SMARCAL1: variants seen among roughly 807,000 people sequenced by gnomAD.
SMARCAL1 encodes ATP-driven annealing helicase.
A neutral mutation model predicts 94.5 loss-of-function variants in SMARCAL1; 58 were observed. The ratio of observed to expected loss-of-function variants is 0.61; its 90% CI spans 0.50 to 0.76. The LOEUF (loss-of-function observed/expected upper bound fraction) is 0.76. Ranked by LOEUF, SMARCAL1 falls within the 30% of genes least tolerant of loss-of-function variation. SMARCAL1 has a pLI of 0.00. For missense variants in SMARCAL1, 1,051 were observed against 1,177.9 expected, an observed-to-expected ratio of 0.89 and a Z score of 1.58; for synonymous variants, 422 against 455.1, an observed-to-expected ratio of 0.93 and a Z score of 0.93.
intron 3 of SMARCAL1, 145 bp downstream of exon 3, chr2:216,415,660 G>A: frequency 1.3e-6 from 1 of 772,570 alleles, no homozygotes. Flanking sequence ...ATTTTAGCTT[G>A]TTTCCCTTCA....
In SMARCAL1 at chr2:216,415,062, A is replaced by G; in HGVS notation, c.358A>G (p.Thr120Ala). 1.2e-6 allele frequency: 2 copies of G among 1,614,092 alleles called. No homozygotes were observed. The highest frequency in any genetic ancestry group is 8.5e-7 in the Non-Finnish European group (1 of 1,179,912). The change falls in exon 3 of 18, where the codon ACT becomes GCT. Residue 120 changes from threonine to alanine, a missense_variant. This residue lies in a region of SMARCAL1 where 398 missense variants were observed against 395.2 expected (regional missense o/e 1.01). Coordinates refer to ENST00000357276, the MANE Select transcript of SMARCAL1 (RefSeq NM_014140.4). ...GHSPRSQMAL[T>A]GISPPLAQSP... ...CAGTCCACGTAGTCAAATGGCTCTC[A>G]CTGGAATCTCTCCTCCCTTGGCACA...
chr2:216,412,526 C>T lies in SMARCAL1; in HGVS notation c.-218C>T, dbSNP rs3755141. ...CGCTACAATAAGGCTGGCGAACTCG[C>T]AGCGCTTGAATACCCGTGGCCTAAC... On this transcript the variant is annotated 5_prime_UTR_variant, in exon 1 of 18. Coordinates refer to ENST00000357276, the MANE Select transcript of SMARCAL1 (RefSeq NM_014140.4). The T allele has an allele frequency of 0.23, 34,782 of 152,270 alleles. 4,916 individuals are homozygous for T. Among genetic ancestry groups the T allele is most frequent in the Non-Finnish European group, 0.31 (21,132 of 68,006 alleles). 9.4% of individuals were successfully genotyped at this position (152,270 alleles called of 1,614,324 possible).
At chr2:216,432,653 C>T (rs941215961) in intron 7 of SMARCAL1, 65 bp from the exon 8 acceptor site, 31 of 1,597,750 alleles carry the variant, frequency 1.9e-5, no homozygotes, top group South Asian at 6.6e-5. Flanking sequence ...GCTGACCCAC[C>T]GGACATGAGG....
At position 216,447,069 on chromosome 2, in the gene SMARCAL1, G is replaced by A. The variant is rs769553029; in HGVS notation, c.1762G>A (p.Ala588Thr). 146 of 1,600,926 alleles carry A rather than the reference G, an allele frequency of 9.1e-5. No individual in the cohort carries two copies. The highest frequency in any genetic ancestry group is 1.7e-4 in the Middle Eastern group (1 of 6,024). The change falls in exon 11 of 18, where the codon GCA becomes ACA. Residue 588 changes from alanine (A) to threonine (T), a missense_variant. Coordinates refer to ENST00000357276, the MANE Select transcript of SMARCAL1 (RefSeq NM_014140.4). ...GGGCACACCAGCCATGTCCCGGCCC[G>A]CAGAGCTCTACACGCAGATCATCGC... is the stretch of plus-strand genomic sequence containing the variant. Reference protein sequence around the residue: ...LSGTPAMSRPAELYTQIIAVK... With the variant: ...LSGTPAMSRPTELYTQIIAVK...
At position 216,413,903 on chromosome 2, in the gene SMARCAL1, G is replaced by C. The variant is rs542733554; in HGVS notation, c.-59+11G>C. On this transcript the variant is annotated intron_variant, in intron 2 of 17. Transcript: ENST00000357276. ...AAGTGTCACGCCATGGTATGTGGTT[G>C]GTTGGTCTATTTCAGTCTAATCTAT... 6.6e-6 allele frequency: 1 copy of C among 152,280 alleles called. No homozygotes were observed. The highest frequency in any genetic ancestry group is 2.4e-5 in the African/African-American group (1 of 41,540). 9.4% of individuals were successfully genotyped at this position (152,280 alleles called of 1,614,324 possible).
chr2:216,466,156 C>T (rs1694824626), intron 13 of SMARCAL1, among the ~76,000 whole-genome samples: 1 of 152,186 alleles, frequency 6.6e-6, no homozygotes, highest in African/African-American at 2.4e-5. Context: ...CTGCAAAATT[C>T]AGAGTCCACC....
At position 216,479,194 on chromosome 2, in the gene SMARCAL1, G is replaced by A. The variant is rs185887890; in HGVS notation, c.2625+895G>A. On this transcript the variant is annotated intron_variant, in intron 17 of 17. Coordinates refer to ENST00000357276, the MANE Select transcript of SMARCAL1 (RefSeq NM_014140.4). ...TTTCTGCCAGGAGAGTTTGAACCAGGTCTGAGCCTCATGCAGAAAGGGGCC... is the reference window on the plus strand; with the variant it reads ...TTTCTGCCAGGAGAGTTTGAACCAGATCTGAGCCTCATGCAGAAAGGGGCC... The A allele has an allele frequency of 9.9e-3, 1,504 of 152,370 alleles. 14 individuals carry two copies. The highest frequency in any genetic ancestry group is 0.015 in the Admixed American group (226 of 15,308). 9.4% of individuals were successfully genotyped at this position (152,370 alleles called of 1,614,324 possible). A position where few individuals can be genotyped will look rare whatever the true frequency, so the allele number is the denominator to read the frequency against.
intron 4 of SMARCAL1, among the ~76,000 whole-genome samples, chr2:216,416,600 G>A (rs920561876): frequency 6.6e-6 from 1 of 152,186 alleles, no homozygotes; most frequent in Non-Finnish European, 1.5e-5. Flanking sequence ...TACAGATGGG[G>A]AAACTGAGGC....
intron 12 of SMARCAL1, among the ~76,000 whole-genome samples, chr2:216,461,080 GTGTGTGTGTGTA>G (rs1015066026): frequency 2.6e-5 from 4 of 151,658 alleles, no homozygotes; most frequent in Non-Finnish European, 4.4e-5. Flanking sequence ...GTGTGTGTGT[GTGTGTGTGTGTA>G]TGTGTGTGTG....
At chr2:216,416,876 A>G (rs1267038638) in intron 4 of SMARCAL1, among the ~76,000 whole-genome samples, 1 of 152,226 alleles carries the variant, frequency 6.6e-6, no homozygotes, top group Non-Finnish European at 1.5e-5. Flanking sequence ...GTTCCAGCTA[A>G]TGCAGTGTCT....
intron 3 of SMARCAL1, 185 bp from the exon 4 acceptor site, chr2:216,416,072 C>T (rs1225842427): frequency 3.4e-6 from 2 of 592,036 alleles, no homozygotes; most frequent in East Asian, 6.6e-5. Flanking sequence ...GATTCCACTA[C>T]ATGGAATAAA....
rs1357994088 is a variant in SMARCAL1 at position 216,438,522 on chromosome 2, G to A, written c.1710+37G>A. The A allele has an allele frequency of 3.2e-6, 5 of 1,577,506 alleles. No individual in the cohort carries two copies. The South Asian group carries it at 3.3e-5, about 11-fold the overall frequency. On this transcript the variant is annotated intron_variant, in intron 10 of 17. Transcript: ENST00000357276. ...TGAGAACTGAGCCCACTGAGCATTG[G>A]CATCCCATAATATTTTGCTCAGGCT...
intron 7 of SMARCAL1, among the ~76,000 whole-genome samples, 187 bp from the exon 8 acceptor site, chr2:216,432,531 C>T (rs1270968926): frequency 6.6e-6 from 1 of 152,188 alleles, no homozygotes; most frequent in South Asian, 2.1e-4. Flanking sequence ...CTCTCTCTCT[C>T]TCTCTTTTTT....
chr2:216,424,604 T>C (rs1468541269), intron 6 of SMARCAL1, among the ~76,000 whole-genome samples: 1 of 152,184 alleles, frequency 6.6e-6, no homozygotes, highest in Non-Finnish European at 1.5e-5. Flanking sequence ...GTTCCTTCCT[T>C]TTGTCTCCTT....
intron 7 of SMARCAL1, among the ~76,000 whole-genome samples, chr2:216,431,206 C>T (rs557874529): frequency 6.6e-6 from 1 of 152,352 alleles, no homozygotes; most frequent in African/African-American, 2.4e-5. Flanking sequence ...AACGGTGTTT[C>T]CAGGCAATTC....
Position 216,444,797 on chromosome 2 carries a change from G to A in SMARCAL1, c.1711-2221G>A, listed in dbSNP as rs940437378. On this transcript the variant is annotated intron_variant, in intron 10 of 17. Transcript: ENST00000357276. The stretch of plus-strand genomic sequence containing the variant: ...CTCCCAAAATGCTGAGATTGCAGGC[G>A]TGAGCCATCATGCCCGGTCAACTCT... 2.0e-4 allele frequency among the ~76,000 whole-genome samples: 30 copies of A among 152,142 alleles called. 1 individual carries two copies. Among genetic ancestry groups the A allele is most frequent in the African/African-American group, 5.1e-4 (21 of 41,428 alleles).
Position 216,430,207 on chromosome 2 carries a change from T to C in SMARCAL1, c.1334+1425T>C, listed in dbSNP as rs143618406. Among the ~76,000 whole-genome samples, 417 of 152,334 alleles carry C rather than the reference T, an allele frequency of 2.7e-3. 5 individuals carry two copies. Among genetic ancestry groups the C allele is most frequent in the East Asian group, 0.025 (131 of 5,182 alleles). On this transcript the variant is annotated intron_variant, in intron 7 of 17. Coordinates refer to ENST00000357276, the MANE Select transcript of SMARCAL1 (RefSeq NM_014140.4). ...CTTGTAATCTTTCTTCAGAATTTTC[T>C]AAATAAACTCAGATTTTAACTTTCA...
rs1233315737 is a variant in SMARCAL1, at chr2:216,466,981, G to T, written c.2142-963G>T. On this transcript the variant is annotated intron_variant, in intron 13 of 17. Transcript: ENST00000357276. Reference sequence around the variant, plus strand: ...GAAGGCAGAGTCTGTTCCCTGTCCAGACGCACCCATGGCTGGCAATGGCCT... The same window carrying T: ...GAAGGCAGAGTCTGTTCCCTGTCCATACGCACCCATGGCTGGCAATGGCCT... Among the ~76,000 whole-genome samples the T allele has an allele frequency of 5.9e-5, 9 of 152,252 alleles. No individual in the cohort carries two copies. The East Asian group carries it at 1.5e-3, about 26-fold the overall frequency.
At chr2:216,435,101 G>T (rs1289985853) in intron 8 of SMARCAL1, among the ~76,000 whole-genome samples, 1 of 151,874 alleles carries the variant, frequency 6.6e-6, no homozygotes, top group African/African-American at 2.4e-5. Flanking sequence ...CAGGTGATCC[G>T]CCCTCCTCAG....
Sources: gnomAD v4.1 joint callset for allele counts (sites outside exome capture counted in the v4.1 genomes callset) on GRCh38, gnomAD v4.1.1 for gene constraint, gnomAD v4.1.1 regional missense constraint, MANE v1.5 for transcripts, NCBI Gene and HGNC (gene_info 2026-07-23, HGNC 2026-07-21) for gene names.